The following MGAT3 variants were observed in gnomAD, a reference collection of about 807,000 sequenced individuals.
The protein encoded by MGAT3 is beta-1,4-mannosyl-glycoprotein 4-beta-N-acetylglucosaminyltransferase.
In MGAT3, 9 loss-of-function variants were observed where a neutral mutation model predicts 29.8. The ratio of observed to expected loss-of-function variants is 0.30; its 90% CI spans 0.18 to 0.53. The LOEUF (loss-of-function observed/expected upper bound fraction) is 0.53, where lower values mean the gene tolerates loss of function less well. Ranked by LOEUF, MGAT3 falls within the 20% of genes least tolerant of loss-of-function variation. MGAT3 has a pLI of 0.96. For synonymous variants in MGAT3, 397 were observed against 348.9 expected, an observed-to-expected ratio of 1.14 and a Z score of -1.54; for missense variants, 557 against 769.5, an observed-to-expected ratio of 0.72 and a Z score of 3.27.
chr22:39,458,250 G>A (rs907986973), intron 1 of MGAT3, among the ~76,000 whole-genome samples: 1 of 152,138 alleles, frequency 6.6e-6, no homozygotes, highest in Non-Finnish European at 1.5e-5. Flanking sequence ...GTGCGCCTGG[G>A]TGTGTGTATG....
In MGAT3 at chr22:39,488,613, C is replaced by T. The variant is rs1929359589; in HGVS notation, c.1266C>T (p.Cys422=). 1.2e-6 allele frequency: 2 copies of T among 1,613,328 alleles called. No homozygotes were observed. Among genetic ancestry groups the T allele is most frequent in the Non-Finnish European group, 1.7e-6 (2 of 1,180,018 alleles). ...TCGCCGGCTGGCACTGCTCCTGGTGCTTCACGCCCGAGGGCATCTACTTCA... is the reference window on the plus strand; with the variant it reads ...TCGCCGGCTGGCACTGCTCCTGGTGTTTCACGCCCGAGGGCATCTACTTCA... ...LHFAGWHCSW[C]FTPEGIYFKL... Residue 422 remains cysteine (C), a synonymous_variant, in exon 2 of 2, where the codon TGC becomes TGT. Transcript: ENST00000341184.
intron 1 of MGAT3, among the ~76,000 whole-genome samples, chr22:39,468,278 C>T (rs1399326372): frequency 1.3e-5 from 2 of 152,208 alleles, no homozygotes; most frequent in African/African-American, 4.8e-5. Flanking sequence ...GCAGGTGTGG[C>T]CTTGTCACCT....
chr22:39,461,986 C>G (rs1390673855), intron 1 of MGAT3, among the ~76,000 whole-genome samples: 1 of 151,924 alleles, frequency 6.6e-6, no homozygotes, highest in Non-Finnish European at 1.5e-5. Flanking sequence ...ACTGCAACCT[C>G]TGACTCCCTG....
chr22:39,483,857 T>C (rs930798372), intron 1 of MGAT3, among the ~76,000 whole-genome samples: 1 of 152,206 alleles, frequency 6.6e-6, no homozygotes, highest in Admixed American at 6.5e-5. Flanking sequence ...CTACCCCAGA[T>C]TGTTCTACCT....
At chr22:39,461,595 T>C (rs1305181688) in intron 1 of MGAT3, among the ~76,000 whole-genome samples, 1 of 152,188 alleles carries the variant, frequency 6.6e-6, no homozygotes, top group Non-Finnish European at 1.5e-5. Context: ...ATTCCCTTGC[T>C]GTGCTGTTCC....
intron 1 of MGAT3, among the ~76,000 whole-genome samples, chr22:39,481,641 T>C (rs1929129833): frequency 6.6e-6 from 1 of 152,218 alleles, no homozygotes; most frequent in South Asian, 2.1e-4. Flanking sequence ...TTGTCTTCAC[T>C]GGTCACAGGT....
At chr22:39,466,627 G>GC (rs923264780) in intron 1 of MGAT3, among the ~76,000 whole-genome samples, 10 of 152,172 alleles carry the variant, frequency 6.6e-5, no homozygotes, top group Non-Finnish European at 1.5e-5. Flanking sequence ...TGCTGCCAGA[G>GC]CCCCCTCTCC....
chr22:39,471,893 C>T (rs950026324), intron 1 of MGAT3, among the ~76,000 whole-genome samples: 5 of 152,114 alleles, frequency 3.3e-5, no homozygotes, highest in Non-Finnish European at 5.9e-5. Flanking sequence ...TAGGGGATAG[C>T]GTGGGGGAAC....
At chr22:39,480,259 G>A (rs1929086205) in intron 1 of MGAT3, among the ~76,000 whole-genome samples, 1 of 152,218 alleles carries the variant, frequency 6.6e-6, no homozygotes, top group African/African-American at 2.4e-5. Context: ...TGTGCTAACA[G>A]AGATTAGCCT....
intron 1 of MGAT3, chr22:39,477,534 A>G (rs1052224285): frequency 1.3e-5 from 2 of 149,002 alleles, no homozygotes; most frequent in Non-Finnish European, 3.0e-5. Context: ...TCCAGCGGGA[A>G]ACCCAAATGG....
At position 39,488,144 on chromosome 22, in the gene MGAT3, G is replaced by A; in HGVS notation, c.797G>A (p.Arg266His). Residue 266 changes from arginine (R) to histidine (H), a missense_variant, in exon 2 of 2, where the codon CGC becomes CAC. By Grantham distance (29) the Arg-to-His change is conservative. Transcript: ENST00000341184. ...MLTNGTFEYIRHKVLYVFLDH... is the reference protein window; with the variant it reads ...MLTNGTFEYIHHKVLYVFLDH... ...ACCAATGGCACCTTCGAGTACATCC[G>A]CCACAAGGTGCTCTATGTCTTCCTG... 1 of 1,613,084 alleles carries A rather than the reference G, an allele frequency of 6.2e-7. No individual in the cohort carries two copies. The highest frequency in any genetic ancestry group is 8.5e-7 in the Non-Finnish European group (1 of 1,179,934).
intron 1 of MGAT3, among the ~76,000 whole-genome samples, chr22:39,467,036 G>T (rs989388624): frequency 6.6e-6 from 1 of 152,238 alleles, no homozygotes; most frequent in Non-Finnish European, 1.5e-5. Flanking sequence ...TGACATCAGG[G>T]TGGGCGGCTT....
At chr22:39,484,145 A>G (rs1443257803) in intron 1 of MGAT3, among the ~76,000 whole-genome samples, 1 of 152,182 alleles carries the variant, frequency 6.6e-6, no homozygotes, top group Non-Finnish European at 1.5e-5. Flanking sequence ...CCTCTATAAA[A>G]TGAAAGAGTT....
Position 39,457,211 on chromosome 22 carries a change from C to T in MGAT3, c.-348C>T, listed in dbSNP as rs1364952033. 1 of 145,196 alleles carries T rather than the reference C, an allele frequency of 6.9e-6. No individual in the cohort carries two copies. Among genetic ancestry groups the T allele is most frequent in the Non-Finnish European group, 1.5e-5 (1 of 65,344 alleles). The allele number at this position is 145,196 out of a possible 1,614,324, so 9.0% of individuals were successfully genotyped here. A position where few individuals can be genotyped will look rare whatever the true frequency, so the allele number is the denominator to read the frequency against. Reference sequence around the variant, plus strand: ...GCTTGAGCCGGCGGGAGCGGGCACCCCTGCGCGCCGCGCTCGGCCTCGCCT... The same window carrying T: ...GCTTGAGCCGGCGGGAGCGGGCACCTCTGCGCGCCGCGCTCGGCCTCGCCT... On this transcript the variant is annotated 5_prime_UTR_variant, in exon 1 of 2. Transcript: ENST00000341184. The surrounding 1 kb of genome is among the most constrained non-coding windows in gnomAD (Gnocchi z 6.8).
intron 1 of MGAT3, among the ~76,000 whole-genome samples, chr22:39,462,983 C>G (rs1928538792): frequency 6.6e-6 from 1 of 151,958 alleles, no homozygotes; most frequent in African/African-American, 2.4e-5. Context: ...GCTGCCCTCT[C>G]TGGGCAGGCC....
At chr22:39,485,322 G>A (rs756291019) in intron 1 of MGAT3, among the ~76,000 whole-genome samples, 18 of 152,030 alleles carry the variant, frequency 1.2e-4, no homozygotes, top group Non-Finnish European at 2.1e-4. Flanking sequence ...TTCATAAAAC[G>A]AGGGATCCAA....
At chr22:39,458,756 G>C (rs1458632638) in intron 1 of MGAT3, among the ~76,000 whole-genome samples, 3 of 152,180 alleles carry the variant, frequency 2.0e-5, no homozygotes, top group Admixed American at 6.5e-5. Context: ...CAAGGGAATG[G>C]CATGAGCAAA....
intron 1 of MGAT3, among the ~76,000 whole-genome samples, chr22:39,479,101 T>TG (rs914193607): frequency 1.3e-5 from 2 of 152,042 alleles, no homozygotes; most frequent in Non-Finnish European, 2.9e-5. Flanking sequence ...ATCCCAACAC[T>TG]GGGGGGCCGA....
chr22:39,462,545 G>A (rs778811273), intron 1 of MGAT3, among the ~76,000 whole-genome samples: 11 of 152,384 alleles, frequency 7.2e-5, no homozygotes, highest in Non-Finnish European at 1.5e-4. Context: ...CAGAGGGAGG[G>A]TACAGGGACC....
Sources: allele counts gnomAD v4.1 joint callset (sites outside exome capture counted in the v4.1 genomes callset), GRCh38; gene constraint gnomAD v4.1.1; non-coding constraint Gnocchi (gnomAD v3.1); transcripts MANE v1.5; gene names NCBI Gene and HGNC (gene_info 2026-07-23, HGNC 2026-07-21).